Variants in SSBP2 observed in about 807,000 individuals in gnomAD.
The protein encoded by SSBP2 is single-stranded DNA-binding protein 2.
Under a neutral mutation model 61.8 loss-of-function variants are expected in SSBP2, and 17 were observed. The observed-to-expected ratio is 0.28, with a 90% CI of 0.19 to 0.41. The LOEUF (loss-of-function observed/expected upper bound fraction) is 0.41. SSBP2 is among the 10% of genes least tolerant of loss of function. The pLI is 1.00. For missense variants in SSBP2, 310 were observed against 458.7 expected, an observed-to-expected ratio of 0.68 and a Z score of 2.96; for synonymous variants, 139 against 141.3, an observed-to-expected ratio of 0.98 and a Z score of 0.12.
At chr5:81,748,921 C>T (rs1237179110) in intron 1 of SSBP2, among the ~76,000 whole-genome samples, 1 of 152,112 alleles carries the variant, frequency 6.6e-6, no homozygotes, top group Non-Finnish European at 1.5e-5. Flanking sequence ...TCAAGCAGTC[C>T]TCAGGATACT....
intron 1 of SSBP2, among the ~76,000 whole-genome samples, chr5:81,720,628 C>T (rs1755483332): frequency 6.6e-6 from 1 of 152,154 alleles, no homozygotes; most frequent in African/African-American, 2.4e-5. Flanking sequence ...AGACGAAAAG[C>T]AAGGAAGCTG....
chr5:81,625,601 A>G (rs541164033), intron 3 of SSBP2, among the ~76,000 whole-genome samples: 23 of 152,328 alleles, frequency 1.5e-4, no homozygotes, highest in Non-Finnish European at 3.2e-4. Context: ...CTTTGATCTC[A>G]TATCATTTAT....
chr5:81,743,497 T>A (rs1283311891), intron 1 of SSBP2, among the ~76,000 whole-genome samples: 1 of 152,176 alleles, frequency 6.6e-6, no homozygotes, highest in Non-Finnish European at 1.5e-5. Context: ...TGCTTATTAT[T>A]ATATATTTCT....
intron 2 of SSBP2, 51 bp from the exon 3 acceptor site, chr5:81,636,669 CAT>C (rs1748267398): frequency 7.4e-7 from 1 of 1,345,206 alleles, no homozygotes. Flanking sequence ...TTTTTCCACA[CAT>C]ATTACAAAGT....
chr5:81,530,686 T>C (rs1481470489), intron 4 of SSBP2, among the ~76,000 whole-genome samples: 2 of 152,112 alleles, frequency 1.3e-5, no homozygotes, highest in African/African-American at 2.4e-5. Flanking sequence ...GTACATATTA[T>C]AATCTTTTGA....
intron 10 of SSBP2, among the ~76,000 whole-genome samples, chr5:81,455,625 CAAAAAAAAAAAA>C (rs537363119): frequency 1.6e-4 from 2 of 12,562 alleles, no homozygotes; most frequent in Non-Finnish European, 2.1e-4. Context: ...GACTCCGTCT[CAAAAAAAAAAAA>C]AAAAAAAAAA....
chr5:81,683,712 A>G (rs1460226306), intron 1 of SSBP2, among the ~76,000 whole-genome samples: 1 of 152,184 alleles, frequency 6.6e-6, no homozygotes, highest in Non-Finnish European at 1.5e-5. Flanking sequence ...GTTTGCAAAA[A>G]ACACATCTGA....
At chr5:81,735,707 GAT>G (rs1290981379) in intron 1 of SSBP2, among the ~76,000 whole-genome samples, 1 of 151,884 alleles carries the variant, frequency 6.6e-6, no homozygotes, top group Non-Finnish European at 1.5e-5. Flanking sequence ...TAAATAATAA[GAT>G]AATTTTAATA....
At chr5:81,578,802 T>C (rs1318063183) in intron 4 of SSBP2, among the ~76,000 whole-genome samples, 1 of 151,930 alleles carries the variant, frequency 6.6e-6, no homozygotes, top group Non-Finnish European at 1.5e-5. Flanking sequence ...TCTAGACTTC[T>C]GTTCTTTAGT....
chr5:81,556,248 T>A (rs1483494059), intron 4 of SSBP2, among the ~76,000 whole-genome samples: 2 of 152,132 alleles, frequency 1.3e-5, no homozygotes, highest in Non-Finnish European at 2.9e-5. Flanking sequence ...TATCAAGGAC[T>A]ATGTTCATTT....
At chr5:81,647,658 T>C (rs919710460) in intron 2 of SSBP2, among the ~76,000 whole-genome samples, 4 of 152,130 alleles carry the variant, frequency 2.6e-5, no homozygotes, top group African/African-American at 9.7e-5. Context: ...CGTTTTCAGT[T>C]TGACGTCTCG....
intron 15 of SSBP2, among the ~76,000 whole-genome samples, chr5:81,432,427 G>C (rs1002849680): frequency 2.6e-5 from 4 of 152,294 alleles, no homozygotes; most frequent in Middle Eastern, 6.8e-3. Flanking sequence ...ACGAACTGCA[G>C]AATTTCCTTA....
chr5:81,462,068 C>G (rs1412995754), intron 9 of SSBP2, among the ~76,000 whole-genome samples: 1 of 152,080 alleles, frequency 6.6e-6, no homozygotes, highest in East Asian at 1.9e-4. Context: ...AATTCTAAAT[C>G]AGGAGTGTCC....
At chr5:81,511,806 A>G (rs939224852) in intron 5 of SSBP2, among the ~76,000 whole-genome samples, 1 of 152,168 alleles carries the variant, frequency 6.6e-6, no homozygotes, top group Non-Finnish European at 1.5e-5. Flanking sequence ...GGTACACACT[A>G]CACCTGCTAG....
At chr5:81,441,612 C>T (rs1165193685) in intron 13 of SSBP2, among the ~76,000 whole-genome samples, 1 of 152,088 alleles carries the variant, frequency 6.6e-6, no homozygotes, top group Admixed American at 6.6e-5. Context: ...AAATAACTGC[C>T]TTTGGCAGGC....
intron 1 of SSBP2, among the ~76,000 whole-genome samples, chr5:81,715,749 T>C (rs567868967): frequency 5.3e-5 from 8 of 152,250 alleles, no homozygotes; most frequent in African/African-American, 1.9e-4. Context: ...GAAATGTGTA[T>C]GTGACTACAT....
chr5:81,599,593 G>T (rs1317281716), intron 4 of SSBP2, among the ~76,000 whole-genome samples: 1 of 152,236 alleles, frequency 6.6e-6, no homozygotes, highest in Non-Finnish European at 1.5e-5. Flanking sequence ...CTCAGGAAAG[G>T]ATTTTACCAA....
Position 81,673,151 on chromosome 5 carries a change from C to T in SSBP2, c.63-22812G>A, listed in dbSNP as rs1751714186. On this transcript the variant is annotated intron_variant, in intron 1 of 16. Coordinates refer to ENST00000320672, the MANE Select transcript of SSBP2 (RefSeq NM_012446.5). ...CCACCACACTCGGTCCAGATATTTACTTTCTAATCACTTGCACTAAGAAGC... is the reference window on the plus strand; with the variant it reads ...CCACCACACTCGGTCCAGATATTTATTTTCTAATCACTTGCACTAAGAAGC... Among the ~76,000 whole-genome samples, 6 of 152,210 alleles carry T rather than the reference C, an allele frequency of 3.9e-5. No individual in the cohort carries two copies. The South Asian group carries it at 1.2e-3, about 32-fold the overall frequency.
rs888547397 is a variant in SSBP2, at chr5:81,707,426, A to C, written c.62+43555T>G. Among the ~76,000 whole-genome samples the C allele has an allele frequency of 3.9e-5, 6 of 152,274 alleles. No individual in the cohort carries two copies. In the East Asian group the frequency reaches 5.8e-4, roughly 15 times the overall value. On this transcript the variant is annotated intron_variant, in intron 1 of 16. Coordinates refer to ENST00000320672, the MANE Select transcript of SSBP2 (RefSeq NM_012446.5). ...ATAAAAAGGAGAAATTTGGACACAG[A>C]GATACTTACAGAGGGAAGGTGACAT...
Sources: allele counts gnomAD v4.1 joint callset (sites outside exome capture counted in the v4.1 genomes callset), GRCh38; gene constraint gnomAD v4.1.1; transcripts MANE v1.5; gene names NCBI Gene and HGNC (gene_info 2026-07-23, HGNC 2026-07-21).